The following ADH5 variants were observed in gnomAD, a reference collection of about 807,000 sequenced individuals.
ADH5 encodes the protein alcohol dehydrogenase 5 (class III), chi polypeptide.
ADH5 carries 32 observed loss-of-function variants against 40.3 expected under a neutral mutation model. The observed-to-expected ratio is 0.79, with a 90% CI of 0.60 to 1.07. ADH5 has a LOEUF of 1.07. ADH5 is among the 50% of genes least tolerant of loss of function. The probability of loss-of-function intolerance (pLI) is 0.00; values close to 1 mark genes in which losing one functional copy is unlikely to be tolerated. For missense variants in ADH5, 353 were observed against 460.5 expected (o/e 0.77, Z 2.14); for synonymous variants, 125 against 154.3 (o/e 0.81, Z 1.41).
At chr4:99,074,408 G>T (rs28730634) in intron 7 of ADH5, among the ~76,000 whole-genome samples, 1 of 152,098 alleles carries the variant, frequency 6.6e-6, no homozygotes, top group African/African-American at 2.4e-5. Flanking sequence ...GCAGCTTTTT[G>T]ATTTTATGAT....
At chr4:99,087,456 G>A (rs1037025961) in intron 1 of ADH5, among the ~76,000 whole-genome samples, 3 of 151,790 alleles carry the variant, frequency 2.0e-5, no homozygotes, top group African/African-American at 7.3e-5. Flanking sequence ...GGAAATGATC[G>A]TTTTTAAAAT....
chr4:99,072,440 TG>T lies in ADH5; in HGVS notation c.1101del (p.Ser367ArgfsTer6). 2 of 1,613,442 alleles carry T rather than the reference TG, an allele frequency of 1.2e-6. No homozygotes were observed. The highest frequency in any genetic ancestry group is 1.7e-6 in the Non-Finnish European group (2 of 1,179,518). On this transcript the variant is annotated frameshift_variant and splice_region_variant, in exon 9 of 9. Coordinates refer to ENST00000296412, the MANE Select transcript of ADH5 (RefSeq NM_000671.4). LOFTEE classifies it high-confidence loss of function. ...AATTAAATCTTTACAACAGTTCGAA[TG>T]CTGTAAAAGGAAGCAACATACTAAG... ...KAFELMHSGK[S>X]IRTVVKI
At position 99,071,564 on chromosome 4, in the gene ADH5, G is replaced by T. The variant is rs1490012814; in HGVS notation, c.*853C>A. The T allele has an allele frequency of 6.6e-6, 1 of 152,142 alleles. No individual in the cohort carries two copies. The highest frequency in any genetic ancestry group is 1.5e-5 in the Non-Finnish European group (1 of 68,030). The allele number at this position is 152,142 out of a possible 1,614,324, so 9.4% of individuals were successfully genotyped here. A position where few individuals can be genotyped will look rare whatever the true frequency, so the allele number is the denominator to read the frequency against. ...AAGCTGTAGAATGAGCAAGTATGAG[G>T]CTTAAAAATATATAAAACAGTACTA... is the stretch of plus-strand genomic sequence containing the variant. On this transcript the variant is annotated 3_prime_UTR_variant, in exon 9 of 9. Transcript: ENST00000296412.
intron 6 of ADH5, chr4:99,075,807 A>C (rs1328479317): frequency 6.5e-6 from 1 of 154,650 alleles, no homozygotes; most frequent in Non-Finnish European, 1.4e-5. Flanking sequence ...TTAGCTGAGC[A>C]TTCCTAATCT....
intron 2 of ADH5, among the ~76,000 whole-genome samples, chr4:99,082,606 C>A (rs536412456): frequency 6.6e-5 from 10 of 152,272 alleles, no homozygotes; most frequent in African/African-American, 2.2e-4. Context: ...GGAACCAACT[C>A]CCTTTTTACA....
chr4:99,085,945 G>A (rs989552435), intron 1 of ADH5, among the ~76,000 whole-genome samples: 18 of 152,178 alleles, frequency 1.2e-4, no homozygotes, highest in South Asian at 4.1e-4. Flanking sequence ...GCTGAGGCAG[G>A]AGAATGGCTT....
chr4:99,077,979 A>G (rs13119035), intron 4 of ADH5, among the ~76,000 whole-genome samples: 12,810 of 152,314 alleles, frequency 0.084, 576 homozygotes, highest in Middle Eastern at 0.11. Context: ...AAATTGCTAT[A>G]AAAGTCTAAT....
chr4:99,084,456 A>C (rs1444690578), intron 2 of ADH5, among the ~76,000 whole-genome samples: 1 of 152,234 alleles, frequency 6.6e-6, no homozygotes, highest in Non-Finnish European at 1.5e-5. Context: ...TGGCAATGTC[A>C]TGAAGTTACC....
At chr4:99,083,464 G>A (rs1430971062) in intron 2 of ADH5, among the ~76,000 whole-genome samples, 2 of 151,836 alleles carry the variant, frequency 1.3e-5, no homozygotes, top group African/African-American at 2.4e-5. Context: ...GCCAGGCGTG[G>A]TGGCGCATAT....
chr4:99,088,192 A>C (rs1428345192), intron 1 of ADH5, among the ~76,000 whole-genome samples: 1 of 152,146 alleles, frequency 6.6e-6, no homozygotes. Context: ...TCTGAAAGGG[A>C]CGTAGGGGTC....
At chr4:99,085,904 G>C (rs996645306) in intron 1 of ADH5, among the ~76,000 whole-genome samples, 1 of 152,132 alleles carries the variant, frequency 6.6e-6, no homozygotes, top group Non-Finnish European at 1.5e-5. Context: ...GCATGGTGGT[G>C]CGCATCTGTG....
intron 2 of ADH5, among the ~76,000 whole-genome samples, chr4:99,084,397 T>C (rs937176595): frequency 6.6e-6 from 1 of 152,154 alleles, no homozygotes; most frequent in African/African-American, 2.4e-5. Context: ...CATAGTGCAT[T>C]TGTACACCAA....
intron 4 of ADH5, chr4:99,080,047 CAA>C (rs1357888492): frequency 2.2e-6 from 1 of 447,364 alleles, no homozygotes; most frequent in Non-Finnish European, 4.5e-6. Flanking sequence ...ACTATTAATA[CAA>C]TGGTACACAG....
intron 4 of ADH5, among the ~76,000 whole-genome samples, 189 bp downstream of exon 4, chr4:99,081,175 TC>T (rs1206356794): frequency 2.6e-5 from 4 of 151,466 alleles, no homozygotes; most frequent in East Asian, 3.9e-4. Flanking sequence ...TACAAAGGTC[TC>T]CCCCCACCCC....
chr4:99,073,718 C>T (rs558534276), intron 7 of ADH5, among the ~76,000 whole-genome samples: 6 of 152,282 alleles, frequency 3.9e-5, no homozygotes, highest in African/African-American at 1.4e-4. Flanking sequence ...ACCACAGTCA[C>T]TCCTGTTCTC....
Position 99,085,224 on chromosome 4 carries a change from G to A in ADH5, c.13-8C>T. ...AGCCTTGCACTTGATAACCTGAAGT[G>A]GGGAAAAAAGGGAATAAGCTGTTTA... On this transcript the variant is annotated splice_region_variant and splice_polypyrimidine_tract_variant and intron_variant, in intron 1 of 8. Transcript: ENST00000296412. 2 of 1,433,594 alleles carry A rather than the reference G, an allele frequency of 1.4e-6. No homozygotes were observed. The highest frequency in any genetic ancestry group is 1.9e-6 in the Non-Finnish European group (2 of 1,077,208). The allele number at this position is 1,433,594 out of a possible 1,614,324, so 88.8% of individuals were successfully genotyped here.
At chr4:99,080,907 A>G (rs1728015092) in intron 4 of ADH5, among the ~76,000 whole-genome samples, 1 of 152,156 alleles carries the variant, frequency 6.6e-6, no homozygotes, top group South Asian at 2.1e-4. Flanking sequence ...ATGTAAGAAA[A>G]CCCAACTCCC....
chr4:99,075,655 T>C (rs1179449697), intron 6 of ADH5: 5 of 152,332 alleles, frequency 3.3e-5, no homozygotes, highest in African/African-American at 1.2e-4. Flanking sequence ...GCAGAATTAA[T>C]AGTAATACTT....
chr4:99,086,818 T>C (rs1425715649), intron 1 of ADH5, among the ~76,000 whole-genome samples: 2 of 148,122 alleles, frequency 1.4e-5, no homozygotes, highest in Admixed American at 6.7e-5. Context: ...CAGTCGCCTG[T>C]AGTCACAGCT....
Sources: gnomAD v4.1 joint callset for allele counts (sites outside exome capture counted in the v4.1 genomes callset) on GRCh38, gnomAD v4.1.1 for gene constraint, MANE v1.5 for transcripts, NCBI Gene and HGNC (gene_info 2026-07-23, HGNC 2026-07-21) for gene names.